The following SLC38A12 variants were observed in gnomAD, a reference collection of about 807,000 sequenced individuals.
SLC38A12 encodes solute carrier family 38 member 12.
At chr17:74,781,678 A>G in the SLC38A12 span, among the ~76,000 whole-genome samples, 1 of 152,182 alleles carries the variant, frequency 6.6e-6, no homozygotes, top group African/African-American at 2.4e-5. Flanking sequence ...CTTCATAAGT[A>G]TTACTGCCTA....
the SLC38A12 span, chr17:74,790,199 G>A: frequency 2.5e-6 from 4 of 1,613,492 alleles, no homozygotes; most frequent in Non-Finnish European, 3.4e-6. Context: ...CTGGCTCCCA[G>A]GAGGAGGAAG....
chr17:74,838,794 T>C, the SLC38A12 span: 5 of 1,494,962 alleles, frequency 3.3e-6, no homozygotes, highest in Admixed American at 8.1e-5. Context: ...CCCCAGGTGA[T>C]GCTGGCTCTC....
chr17:74,819,743 C>T, the SLC38A12 span: 4 of 1,613,894 alleles, frequency 2.5e-6, no homozygotes, highest in Non-Finnish European at 3.4e-6. Context: ...TTGTTTCCAT[C>T]CCCCAGGCGA....
the SLC38A12 span, among the ~76,000 whole-genome samples, chr17:74,802,202 T>C: frequency 6.6e-6 from 1 of 152,154 alleles, no homozygotes; most frequent in East Asian, 1.9e-4. Flanking sequence ...TTAATGTCAC[T>C]CTCAGGGACG....
At chr17:74,822,699 G>A in the SLC38A12 span, among the ~76,000 whole-genome samples, 5 of 152,184 alleles carry the variant, frequency 3.3e-5, no homozygotes, top group Admixed American at 1.3e-4. Flanking sequence ...CAGCCCTCTC[G>A]CCAGAAGAAA....
chr17:74,789,725 A>C, the SLC38A12 span, among the ~76,000 whole-genome samples: 1 of 151,446 alleles, frequency 6.6e-6, no homozygotes, highest in Non-Finnish European at 1.5e-5. Context: ...AGTGCCTGTA[A>C]TCTCAGCTAC....
chr17:74,795,584 C>T, the SLC38A12 span: 656 of 1,614,086 alleles, frequency 4.1e-4, 3 homozygotes, highest in Middle Eastern at 0.013. Context: ...ATGACACTGA[C>T]CGGTGCTGGG....
chr17:74,781,658 G>GT, the SLC38A12 span, among the ~76,000 whole-genome samples: 5 of 152,226 alleles, frequency 3.3e-5, no homozygotes, highest in African/African-American at 1.2e-4. Context: ...AAGAAATAAG[G>GT]TTTTTTTCCC....
chr17:74,811,631 C>CT, the SLC38A12 span, among the ~76,000 whole-genome samples: 1 of 150,614 alleles, frequency 6.6e-6, no homozygotes, highest in Non-Finnish European at 1.5e-5. Flanking sequence ...TGAGGCAGGA[C>CT]AATCACTTGA....
At chr17:74,830,141 C>T in the SLC38A12 span, among the ~76,000 whole-genome samples, 1 of 152,170 alleles carries the variant, frequency 6.6e-6, no homozygotes, top group African/African-American at 2.4e-5. Context: ...CAACTCCAGA[C>T]ACCTACTCAT....
chr17:74,808,803 G>T, the SLC38A12 span, among the ~76,000 whole-genome samples: 1 of 152,218 alleles, frequency 6.6e-6, no homozygotes. Flanking sequence ...GCTGCCTGGG[G>T]GCCACAGCGT....
the SLC38A12 span, among the ~76,000 whole-genome samples, chr17:74,794,631 G>A: frequency 6.6e-6 from 1 of 151,786 alleles, no homozygotes; most frequent in Non-Finnish European, 1.5e-5. Flanking sequence ...GACACCAGAG[G>A]GGGCCCCAGC....
At chr17:74,837,596 C>T in the SLC38A12 span, 12 of 985,348 alleles carry the variant, frequency 1.2e-5, no homozygotes, top group Non-Finnish European at 1.3e-5. Context: ...TCAGGCTGCC[C>T]GTGCTCCCAC....
the SLC38A12 span, among the ~76,000 whole-genome samples, chr17:74,788,273 G>C: frequency 1.3e-5 from 2 of 152,246 alleles, no homozygotes; most frequent in Non-Finnish European, 2.9e-5. Flanking sequence ...AAAAGGGATG[G>C]ATTCCGGAGC....
the SLC38A12 span, among the ~76,000 whole-genome samples, chr17:74,814,813 A>T: frequency 6.6e-6 from 1 of 152,166 alleles, no homozygotes; most frequent in Admixed American, 6.5e-5. Context: ...ACAAACAAGG[A>T]TGCAGTCCTT....
At chr17:74,794,519 C>T in the SLC38A12 span, among the ~76,000 whole-genome samples, 1 of 152,176 alleles carries the variant, frequency 6.6e-6, no homozygotes, top group South Asian at 2.1e-4. Context: ...GGGCTTTTTA[C>T]CCTTTGGATC....
the SLC38A12 span, among the ~76,000 whole-genome samples, chr17:74,823,764 G>C: frequency 6.6e-6 from 1 of 152,230 alleles, no homozygotes; most frequent in Admixed American, 6.5e-5. Context: ...TCAGGTCTCC[G>C]GTGGCTGCTC....
At chr17:74,787,950 T>A in the SLC38A12 span, among the ~76,000 whole-genome samples, 9 of 152,016 alleles carry the variant, frequency 5.9e-5, no homozygotes, top group Non-Finnish European at 4.4e-5. Flanking sequence ...TGTGCCACCA[T>A]GCCCAGCTAA....
the SLC38A12 span, among the ~76,000 whole-genome samples, chr17:74,790,708 G>A: frequency 2.0e-5 from 3 of 151,298 alleles, no homozygotes; most frequent in Non-Finnish European, 4.4e-5. Flanking sequence ...CTCCCTGGTC[G>A]GCTGGGTTAG....
Sources: allele counts gnomAD v4.1 joint callset (sites outside exome capture counted in the v4.1 genomes callset), GRCh38; gene constraint gnomAD v4.1.1; transcripts MANE v1.5; gene names NCBI Gene and HGNC (gene_info 2026-07-23, HGNC 2026-07-21).